Variants in IMP4 observed in about 807,000 individuals in gnomAD.
IMP4 encodes IMP U3 small nucleolar ribonucleoprotein 4.
In IMP4, 30 loss-of-function variants were observed where a neutral mutation model predicts 42.7. The observed-to-expected ratio is 0.70, with a 90% CI of 0.53 to 0.95. IMP4 has a LOEUF of 0.95. Ranked by LOEUF, IMP4 falls within the 40% of genes least tolerant of loss-of-function variation. The pLI, the probability that IMP4 is intolerant of heterozygous loss-of-function variation, is 0.00. For missense variants in IMP4, 382 were observed against 411.4 expected (o/e 0.93, Z 0.62); for synonymous variants, 165 against 165.2 (o/e 1.00, Z 0.01).
chr2:130,345,972 G>A lies in IMP4; in HGVS notation c.594+39G>A, dbSNP rs1348641666. 1.2e-6 allele frequency: 2 copies of A among 1,614,188 alleles called. No individual in the cohort carries two copies. Among genetic ancestry groups the A allele is most frequent in the Admixed American group, 1.7e-5 (1 of 60,034 alleles). ...CCTTCAGGCTGGGGCTGCGGGCCAGGCCAGGCATTTGCCACTCTGTTTCCC... is the reference window on the plus strand; with the variant it reads ...CCTTCAGGCTGGGGCTGCGGGCCAGACCAGGCATTTGCCACTCTGTTTCCC... On this transcript the variant is annotated intron_variant, in intron 6 of 8. Coordinates refer to ENST00000259239, the MANE Select transcript of IMP4 (RefSeq NM_033416.3). This position sits in a 1 kb window ranked among gnomAD's most constrained non-coding sequence, Gnocchi z 4.9.
Position 130,346,232 on chromosome 2 carries a change from A to C in IMP4, c.721A>C (p.Asn241His), listed in dbSNP as rs771653912. The C allele has an allele frequency of 6.2e-7, 1 of 1,614,170 alleles. No individual in the cohort carries two copies. The highest frequency in any genetic ancestry group is 1.1e-5 in the South Asian group (1 of 91,078). Residue 241 changes from asparagine (N) to histidine (H), a missense_variant, in exon 8 of 9, where the codon AAC becomes CAC. Physicochemically the swap from Asn to His is moderately conservative, Grantham distance 68 (BLOSUM62 1). Coordinates refer to ENST00000259239, the MANE Select transcript of IMP4 (RefSeq NM_033416.3). ...HHVYKKTDHR[N>H]VELTEVGPRF... ...TGTGTATAAGAAGACAGACCACCGCAACGTGGAGCTCACTGAGGTCGGGCC... is the reference window on the plus strand; with the variant it reads ...TGTGTATAAGAAGACAGACCACCGCCACGTGGAGCTCACTGAGGTCGGGCC...
At chr2:130,344,863 C>T in intron 3 of IMP4, 151 bp downstream of exon 3, 1 of 641,206 alleles carries the variant, frequency 1.6e-6, no homozygotes, top group Non-Finnish European at 2.8e-6. Context: ...CAGGGCTCTC[C>T]CTGAGTGTGC....
In IMP4 at chr2:130,346,926, T is replaced by G; in HGVS notation, c.*458T>G. On this transcript the variant is annotated 3_prime_UTR_variant, in exon 9 of 9. Coordinates refer to ENST00000259239, the MANE Select transcript of IMP4 (RefSeq NM_033416.3). ...GCCACACCCAGTGCTCAGCAGCTGATTCCTCATGTAAGTGGCATCATGTGG... is the reference window on the plus strand; with the variant it reads ...GCCACACCCAGTGCTCAGCAGCTGAGTCCTCATGTAAGTGGCATCATGTGG... 5.5e-6 allele frequency: 1 copy of G among 183,422 alleles called. No individual in the cohort carries two copies. Among genetic ancestry groups the G allele is most frequent in the Non-Finnish European group, 1.2e-5 (1 of 85,294 alleles). The allele number at this position is 183,422 out of a possible 1,614,324, so 11.4% of individuals were successfully genotyped here. A position where few individuals can be genotyped will look rare whatever the true frequency, so the allele number is the denominator to read the frequency against.
intron 2 of IMP4, among the ~76,000 whole-genome samples, chr2:130,343,746 A>C (rs1324856457): frequency 2.0e-5 from 3 of 151,990 alleles, no homozygotes; most frequent in Non-Finnish European, 4.4e-5. Context: ...CTCAAAAAAA[A>C]AAAAAAAAAG....
chr2:130,343,265 G>C lies in IMP4; in HGVS notation c.112+71G>C, dbSNP rs1163496791. 8 of 1,125,128 alleles carry C rather than the reference G, an allele frequency of 7.1e-6. No homozygotes were observed. In the Admixed American group the frequency reaches 1.6e-4, roughly 22 times the overall value. The allele number at this position is 1,125,128 out of a possible 1,614,324, so 69.7% of individuals were successfully genotyped here. ...CACGCATTTGTGTTCGAATATCCGA[G>C]CGTCTTTCCAAATGCTTGCCGGCCG... On this transcript the variant is annotated intron_variant, in intron 2 of 8. Transcript: ENST00000259239.
In IMP4 at chr2:130,345,011, C is replaced by T; in HGVS notation, c.196+299C>T. The T allele has an allele frequency of 1.8e-6, 1 of 559,436 alleles. No individual in the cohort carries two copies. The highest frequency in any genetic ancestry group is 3.2e-6 in the Non-Finnish European group (1 of 312,848). 34.7% of individuals were successfully genotyped at this position (559,436 alleles called of 1,614,324 possible). The stretch of plus-strand genomic sequence containing the variant: ...TTATTGGTGCCCATACGTTTATTCA[C>T]TGCATTATTCAAGAAACAAGAAAGG... On this transcript the variant is annotated intron_variant, in intron 3 of 8. Transcript: ENST00000259239. The surrounding 1 kb of genome is among the most constrained non-coding windows in gnomAD (Gnocchi z 4.9).
At chr2:130,343,467 T>C (rs1679220080) in intron 2 of IMP4, 3 of 609,442 alleles carry the variant, frequency 4.9e-6, no homozygotes, top group Non-Finnish European at 3.1e-6. Context: ...GAAATTCTCT[T>C]TAGAGCGGTG....
chr2:130,343,381 C>T (rs756029734), intron 2 of IMP4, 187 bp downstream of exon 2: 5 of 717,030 alleles, frequency 7.0e-6, no homozygotes, highest in African/African-American at 3.5e-5. Context: ...TTGCAGTACC[C>T]GGGTTTTGCA....
Position 130,346,038 on chromosome 2 carries a change from C to A in IMP4, c.615C>A (p.Tyr205Ter). Reference sequence around the variant, plus strand: ...CCCAGGTCTCTGACATCCTCCGATACCTATTTCCCGTGCCCAAAGATGACA... The same window carrying A: ...CCCAGGTCTCTGACATCCTCCGATAACTATTTCCCGTGCCCAAAGATGACA... Reference protein sequence around the residue: ...LGKRVSDILRYLFPVPKDDSH... With the variant: ...LGKRVSDILR Residue 205 changes from tyrosine (Y) to a stop codon, truncating the protein, a stop_gained, in exon 7 of 9, where the codon TAC (tyrosine) becomes TAA (stop). Transcript: ENST00000259239. LOFTEE classifies it high-confidence loss of function. The A allele has an allele frequency of 6.2e-7, 1 of 1,614,216 alleles. No homozygotes were observed. The highest frequency in any genetic ancestry group is 2.2e-5 in the East Asian group (1 of 44,878).
At chr2:130,344,946 A>C in intron 3 of IMP4, 1 of 585,658 alleles carries the variant, frequency 1.7e-6, no homozygotes. Context: ...TACCTCCCCC[A>C]CTGGAGTGCC....
Position 130,344,701 on chromosome 2 carries a change from C to G in IMP4, c.185C>G (p.Ala62Gly). 1 of 1,612,048 alleles carries G rather than the reference C, an allele frequency of 6.2e-7. No homozygotes were observed. The highest frequency in any genetic ancestry group is 1.1e-5 in the South Asian group (1 of 91,032). Residue 62 changes from alanine (A) to glycine (G), a missense_variant, in exon 3 of 9, where the codon GCT (alanine) becomes GGT (glycine). Coordinates refer to ENST00000259239, the MANE Select transcript of IMP4 (RefSeq NM_033416.3). ...CAGGGGTCCCTGGAGTTTGATGATG[C>G]TGGAGGTGAAGGTAACTATACAAGG... Reference protein sequence around the residue: ...ALQGSLEFDDAGGEGVTSHVD... With the variant: ...ALQGSLEFDDGGGEGVTSHVD...
rs1356220866 is a variant in IMP4, at chr2:130,346,342, A to G, written c.764-14A>G. ...GGCTGGCTGTGCCGGGGCTGATGCC[A>G]TCCCTGCCTGCAGTGTACATGATCC... On this transcript the variant is annotated splice_polypyrimidine_tract_variant and intron_variant, in intron 8 of 8. Transcript: ENST00000259239. The G allele has an allele frequency of 1.9e-6, 3 of 1,599,346 alleles. No individual in the cohort carries two copies. The African/African-American group carries it at 4.0e-5, about 21-fold the overall frequency.
chr2:130,346,108 T>G lies in IMP4; in HGVS notation c.685T>G (p.Phe229Val), dbSNP rs144817819. ...TFANQDDYIS[F>V]RHHVYKKTDH... Reference sequence around the variant, plus strand: ...CGCAAACCAGGACGACTACATATCATTCCGGTGGGTCCACGGGCCATGCCC... The same window carrying G: ...CGCAAACCAGGACGACTACATATCAGTCCGGTGGGTCCACGGGCCATGCCC... The change falls in exon 7 of 9, where the codon TTC becomes GTC. Residue 229 changes from phenylalanine to valine, a missense_variant. Phe to Val is a conservative substitution (Grantham distance 50). Transcript: ENST00000259239. 3.1e-6 allele frequency: 5 copies of G among 1,614,000 alleles called. No individual in the cohort carries two copies. In the African/African-American group the frequency reaches 6.7e-5, roughly 22 times the overall value.
chr2:130,344,781 G>A, intron 3 of IMP4, 69 bp downstream of exon 3: 1 of 1,039,084 alleles, frequency 9.6e-7, no homozygotes, highest in South Asian at 1.3e-5. Flanking sequence ...AGACACACCG[G>A]GCACCATCCC....
chr2:130,344,848 C>T, intron 3 of IMP4, 136 bp downstream of exon 3: 1 of 668,180 alleles, frequency 1.5e-6, no homozygotes, highest in Non-Finnish European at 2.7e-6. Context: ...GCACAGATGG[C>T]ATTGCAGGGC....
Position 130,346,517 on chromosome 2 carries a change from C to T in IMP4, c.*49C>T. 1 of 1,294,024 alleles carries T rather than the reference C, an allele frequency of 7.7e-7. No homozygotes were observed. The highest frequency in any genetic ancestry group is 1.1e-6 in the Non-Finnish European group (1 of 915,250). 80.2% of individuals were successfully genotyped at this position (1,294,024 alleles called of 1,614,324 possible). A position where few individuals can be genotyped will look rare whatever the true frequency, so the allele number is the denominator to read the frequency against. On this transcript the variant is annotated 3_prime_UTR_variant, in exon 9 of 9. Transcript: ENST00000259239. ...CATGGACTTGGAACTCAGGATGGGG[C>T]TGTCATAGACAGACCCACCAGTAGG...
rs771296118 is a variant in IMP4, at chr2:130,345,436, T to C, written c.257T>C (p.Met86Thr). ...GCAGGAGTCGAGGATCCCAAGGTTA[T>C]GATCACTACCTCCCGAGACCCCAGT... ...RWAGVEDPKV[M>T]ITTSRDPSSR... The change falls in exon 4 of 9, where the codon ATG becomes ACG. Residue 86 changes from methionine to threonine, a missense_variant. Transcript: ENST00000259239. This position sits in a 1 kb window ranked among gnomAD's most constrained non-coding sequence, Gnocchi z 4.9. 12 of 1,614,098 alleles carry C rather than the reference T, an allele frequency of 7.4e-6. No individual in the cohort carries two copies. Among genetic ancestry groups the C allele is most frequent in the Middle Eastern group, 1.6e-4 (1 of 6,062 alleles).
In IMP4 at chr2:130,343,153, C is replaced by T. The variant is rs1573832424; in HGVS notation, c.71C>T (p.Ser24Leu). 3 of 1,550,210 alleles carry T rather than the reference C, an allele frequency of 1.9e-6. No individual in the cohort carries two copies. Among genetic ancestry groups the T allele is most frequent in the South Asian group, 1.2e-5 (1 of 84,894 alleles). The stretch of plus-strand genomic sequence containing the variant: ...AAGGCCCGGGAGGAGGCGCAGCGCT[C>T]AGCCCAGGAGAGGAAGGAGCGGCTG... ...YRKAREEAQR[S>L]AQERKERLRR... The change falls in exon 2 of 9, where the codon TCA becomes TTA. Residue 24 changes from serine (S) to leucine (L), a missense_variant. By Grantham distance (145) the Ser-to-Leu change is moderately radical. Transcript: ENST00000259239.
Position 130,346,182 on chromosome 2 carries a change from C to G in IMP4, c.690-19C>G. 1 of 1,613,924 alleles carries G rather than the reference C, an allele frequency of 6.2e-7. No homozygotes were observed. Among genetic ancestry groups the G allele is most frequent in the Non-Finnish European group, 8.5e-7 (1 of 1,179,768 alleles). On this transcript the variant is annotated intron_variant, in intron 7 of 8. Coordinates refer to ENST00000259239, the MANE Select transcript of IMP4 (RefSeq NM_033416.3). ...TACCTCGTGCTGCTTGCCGTTGACC[C>G]ACAGCTGTTCCCTCCCAGGCACCAT...
Sources: allele counts gnomAD v4.1 joint callset (sites outside exome capture counted in the v4.1 genomes callset), GRCh38; gene constraint gnomAD v4.1.1; non-coding constraint Gnocchi (gnomAD v3.1); transcripts MANE v1.5; gene names NCBI Gene and HGNC (gene_info 2026-07-23, HGNC 2026-07-21).